The following KIAA1328 variants were observed in gnomAD, a reference collection of about 807,000 sequenced individuals.
KIAA1328 encodes the protein KIAA1328, also known as protein hinderin.
KIAA1328 carries 52 observed loss-of-function variants against 68.1 expected under a neutral mutation model. The ratio of observed to expected loss-of-function variants is 0.76; its 90% CI spans 0.61 to 0.96. The LOEUF is 0.96. KIAA1328 is among the 40% of genes least tolerant of loss of function. The pLI is 0.00. For synonymous variants in KIAA1328, 232 were observed against 239.4 expected (o/e 0.97, Z 0.28); for missense variants, 641 against 677.6 (o/e 0.95, Z 0.60).
intron 5 of KIAA1328, among the ~76,000 whole-genome samples, chr18:36,920,261 T>C (rs141870808): frequency 6.6e-6 from 1 of 152,344 alleles, no homozygotes; most frequent in East Asian, 1.9e-4. Context: ...TTCATTCTCC[T>C]GCATGTGGCT....
intron 6 of KIAA1328, among the ~76,000 whole-genome samples, chr18:36,982,083 T>G (rs1454664425): frequency 6.9e-6 from 1 of 145,696 alleles, no homozygotes; most frequent in African/African-American, 2.5e-5. Context: ...AATATATATA[T>G]TTATATTATA....
intron 9 of KIAA1328, among the ~76,000 whole-genome samples, chr18:37,220,187 T>C (rs1289052393): frequency 6.6e-6 from 1 of 152,230 alleles, no homozygotes; most frequent in Non-Finnish European, 1.5e-5. Flanking sequence ...GTTTCATACA[T>C]GTTGGAATTT....
At chr18:36,967,026 C>A (rs2051968760) in intron 6 of KIAA1328, among the ~76,000 whole-genome samples, 1 of 152,162 alleles carries the variant, frequency 6.6e-6, no homozygotes, top group African/African-American at 2.4e-5. Context: ...TGTTCTAAAG[C>A]TATGGTATAG....
chr18:37,147,807 A>G (rs1274393008), intron 7 of KIAA1328, among the ~76,000 whole-genome samples: 3 of 152,122 alleles, frequency 2.0e-5, no homozygotes, highest in Non-Finnish European at 4.4e-5. Flanking sequence ...GCATTTCTAT[A>G]TAGTTATGTG....
chr18:37,040,965 T>A (rs1022703714), intron 6 of KIAA1328, among the ~76,000 whole-genome samples: 6 of 151,732 alleles, frequency 4.0e-5, no homozygotes, highest in South Asian at 2.1e-4. Flanking sequence ...TTTTTAATTT[T>A]AAAAAAATTA....
At chr18:37,066,035 G>A (rs930176656) in intron 6 of KIAA1328, among the ~76,000 whole-genome samples, 11 of 152,168 alleles carry the variant, frequency 7.2e-5, no homozygotes, top group Admixed American at 5.2e-4. Flanking sequence ...CTCTGCTTCC[G>A]ACAGAAAGAT....
chr18:37,030,220 A>G (rs987821846), intron 6 of KIAA1328, among the ~76,000 whole-genome samples: 4 of 151,470 alleles, frequency 2.6e-5, no homozygotes, highest in East Asian at 1.9e-4. Flanking sequence ...TTTTTCAGTT[A>G]TAATTTGCAT....
chr18:37,153,027 C>T (rs1467117210), intron 7 of KIAA1328, among the ~76,000 whole-genome samples: 2 of 152,144 alleles, frequency 1.3e-5, no homozygotes, highest in South Asian at 4.1e-4. Context: ...GAACAGGCAA[C>T]ATGGTGCTGG....
intron 4 of KIAA1328, among the ~76,000 whole-genome samples, chr18:36,874,158 GT>G (rs1169052031): frequency 2.0e-5 from 3 of 152,200 alleles, no homozygotes; most frequent in Admixed American, 1.3e-4. Flanking sequence ...ATGTGTGCAT[GT>G]GTCTTTATAG....
chr18:36,859,114 A>G (rs2047475107), intron 4 of KIAA1328, among the ~76,000 whole-genome samples: 1 of 152,070 alleles, frequency 6.6e-6, no homozygotes, highest in East Asian at 1.9e-4. Context: ...TGTGTTTATA[A>G]TTCTATCCAT....
At chr18:36,955,316 T>C (rs1280961733) in intron 5 of KIAA1328, among the ~76,000 whole-genome samples, 1 of 40,590 alleles carries the variant, frequency 2.5e-5, no homozygotes, top group Non-Finnish European at 8.2e-5. Flanking sequence ...TTTCTTTTCT[T>C]TTTTTTTTTT....
chr18:36,844,946 G>A (rs2046978204), intron 4 of KIAA1328, among the ~76,000 whole-genome samples: 1 of 151,746 alleles, frequency 6.6e-6, no homozygotes, highest in Non-Finnish European at 1.5e-5. Flanking sequence ...ATACCTAAAA[G>A]TTGATAAAAG....
At chr18:37,113,025 A>G (rs1390834327) in intron 7 of KIAA1328, among the ~76,000 whole-genome samples, 2 of 152,218 alleles carry the variant, frequency 1.3e-5, no homozygotes, top group Non-Finnish European at 2.9e-5. Context: ...GACCAAATCT[A>G]CGTTTGACTG....
rs188767727 is a variant in KIAA1328, at chr18:36,915,692, G to A, written c.448+30020G>A. 1.6e-4 allele frequency among the ~76,000 whole-genome samples: 25 copies of A among 152,254 alleles called. No individual in the cohort carries two copies. The East Asian group carries it at 2.7e-3, about 16-fold the overall frequency. ...ATATTGACAATATTAAATACTGTCA[G>A]GGATGCAGGGGAACTGAAATTCTCA... On this transcript the variant is annotated intron_variant, in intron 5 of 9. Transcript: ENST00000280020.
At chr18:37,042,627 G>C (rs560045726) in intron 6 of KIAA1328, among the ~76,000 whole-genome samples, 1 of 152,216 alleles carries the variant, frequency 6.6e-6, no homozygotes, top group Admixed American at 6.5e-5. Flanking sequence ...AATGTTCTCT[G>C]TGTGTGAAGA....
chr18:37,203,007 C>G (rs181702561), intron 9 of KIAA1328, among the ~76,000 whole-genome samples: 203 of 150,870 alleles, frequency 1.3e-3, no homozygotes, highest in African/African-American at 4.8e-3. Context: ...TCAAAGAGAC[C>G]TAATAAATAC....
At chr18:37,096,126 G>A (rs1294305911) in intron 7 of KIAA1328, among the ~76,000 whole-genome samples, 7 of 151,706 alleles carry the variant, frequency 4.6e-5, no homozygotes, top group Admixed American at 2.6e-4. Flanking sequence ...TGTGCACAAC[G>A]TGCAGGTTTT....
At chr18:37,129,367 C>T (rs2058468330) in intron 7 of KIAA1328, among the ~76,000 whole-genome samples, 1 of 152,106 alleles carries the variant, frequency 6.6e-6, no homozygotes, top group Admixed American at 6.5e-5. Context: ...GCATAAATTA[C>T]AGTGTGTCCA....
intron 9 of KIAA1328, among the ~76,000 whole-genome samples, chr18:37,213,355 G>A (rs974453313): frequency 6.6e-6 from 1 of 152,084 alleles, no homozygotes; most frequent in African/African-American, 2.4e-5. Context: ...GTGTCCAAGT[G>A]TTCTCATTGT....
Sources: allele counts gnomAD v4.1 joint callset (sites outside exome capture counted in the v4.1 genomes callset), GRCh38; gene constraint gnomAD v4.1.1; transcripts MANE v1.5; gene names NCBI Gene and HGNC (gene_info 2026-07-23, HGNC 2026-07-21).